The following CELF2 variants were observed in gnomAD, a reference collection of about 807,000 sequenced individuals.
CELF2 encodes the protein CUGBP Elav-like family member 2.
Under a neutral mutation model 62.6 loss-of-function variants are expected in CELF2, and 8 were observed. That is an observed-to-expected ratio of 0.13 (90% confidence interval 0.07 to 0.23). The LOEUF is 0.23. CELF2 is among the 10% of genes least tolerant of loss of function. The pLI is 1.00. For synonymous variants in CELF2, 258 were observed against 250.0 expected, an observed-to-expected ratio of 1.03 and a Z score of -0.30; for missense variants, 333 against 671.0, an observed-to-expected ratio of 0.50 and a Z score of 5.56.
At chr10:10,714,466 A>C in the CELF2 span, among the ~76,000 whole-genome samples, 1 of 152,206 alleles carries the variant, frequency 6.6e-6, no homozygotes, top group African/African-American at 2.4e-5. Context: ...GTTTAGCTTC[A>C]AGAGGAAAAG....
chr10:10,538,327 A>C, the CELF2 span, among the ~76,000 whole-genome samples: 4 of 152,204 alleles, frequency 2.6e-5, no homozygotes, highest in Non-Finnish European at 2.9e-5. Context: ...AGAGAGCCCC[A>C]GTGCTGCATT....
intron 1 of CELF2, among the ~76,000 whole-genome samples, chr10:10,879,995 A>T (rs2061349917): frequency 6.6e-6 from 1 of 152,242 alleles, no homozygotes; most frequent in African/African-American, 2.4e-5. Context: ...TTCAAGTTTA[A>T]ATCCATTTAG....
chr10:11,192,976 C>T lies in CELF2; in HGVS notation c.272-24449C>T, dbSNP rs372829425. Among the ~76,000 whole-genome samples the T allele has an allele frequency of 3.7e-4, 56 of 152,350 alleles. No individual in the cohort carries two copies. In the South Asian group the frequency reaches 0.011, roughly 29 times the overall value. On this transcript the variant is annotated intron_variant, in intron 2 of 12. Coordinates refer to ENST00000633077, the MANE Select transcript of CELF2 (RefSeq NM_001326342.2). ...GGTGTTACTCTCATTACATTCTCCACTGACTTTGGCAGTGTCTGTGAATTT... is the reference window on the plus strand; with the variant it reads ...GGTGTTACTCTCATTACATTCTCCATTGACTTTGGCAGTGTCTGTGAATTT...
chr10:11,253,400 G>A (rs2077716380), intron 4 of CELF2, among the ~76,000 whole-genome samples: 1 of 152,212 alleles, frequency 6.6e-6, no homozygotes, highest in South Asian at 2.1e-4. Context: ...TCAGCAGAGG[G>A]TGCAGACCTG....
At chr10:11,204,773 C>G (rs567585167) in intron 2 of CELF2, among the ~76,000 whole-genome samples, 3 of 152,242 alleles carry the variant, frequency 2.0e-5, no homozygotes, top group Admixed American at 6.5e-5. Context: ...AGGCTTCCGC[C>G]GGACATCTCC....
In CELF2 at chr10:11,302,046, G is replaced by A. The variant is rs2093810059; in HGVS notation, c.977-12093G>A. Among the ~76,000 whole-genome samples the A allele has an allele frequency of 6.6e-6, 1 of 152,202 alleles. No individual in the cohort carries two copies. The highest frequency in any genetic ancestry group is 1.5e-5 in the Non-Finnish European group (1 of 68,042). On this transcript the variant is annotated intron_variant, in intron 9 of 12. Transcript: ENST00000633077. The surrounding 1 kb of genome is among the most constrained non-coding windows in gnomAD (Gnocchi z 5.0). ...CACCAGTGATTCTCATAGTTTCTAGGGAAACGGACAAGCAAATCCCTGCTC... is the reference window on the plus strand; with the variant it reads ...CACCAGTGATTCTCATAGTTTCTAGAGAAACGGACAAGCAAATCCCTGCTC...
intron 1 of CELF2, among the ~76,000 whole-genome samples, chr10:11,108,153 TCTC>T (rs2054131839): frequency 7.6e-6 from 1 of 131,094 alleles, no homozygotes; most frequent in African/African-American, 3.0e-5. Flanking sequence ...TTGGCAGAAT[TCTC>T]CCCCTCAGGC....
the CELF2 span, among the ~76,000 whole-genome samples, chr10:10,720,107 G>A: frequency 4.6e-3 from 700 of 152,312 alleles, 1 homozygote; most frequent in Middle Eastern, 0.017. Flanking sequence ...GTGGGATGGT[G>A]GGAACTGAGT....
chr10:10,840,322 A>G (rs901726926), intron 1 of CELF2, among the ~76,000 whole-genome samples: 4 of 152,192 alleles, frequency 2.6e-5, no homozygotes, highest in Non-Finnish European at 5.9e-5. Context: ...TTTGCATTTC[A>G]CCAGCAATGA....
Position 11,294,263 on chromosome 10 carries a change from C to T in CELF2, c.976+5711C>T, listed in dbSNP as rs371157239. 8.5e-4 allele frequency among the ~76,000 whole-genome samples: 129 copies of T among 152,284 alleles called. 1 individual carries two copies. In the South Asian group the frequency reaches 0.026, roughly 31 times the overall value. On this transcript the variant is annotated intron_variant, in intron 9 of 12. Transcript: ENST00000633077. ...AACATAACATCATGGCAGATCATCC[C>T]CAGAAAGTGCCCATTAGCTCTGTGT... is the stretch of plus-strand genomic sequence containing the variant.
chr10:11,102,715 G>A (rs2052063375), intron 1 of CELF2, among the ~76,000 whole-genome samples: 1 of 151,952 alleles, frequency 6.6e-6, no homozygotes, highest in South Asian at 2.1e-4. Context: ...TCTCTTCCTA[G>A]GCAACCAAAT....
chr10:10,930,032 T>C (rs545829196), intron 2 of CELF2, among the ~76,000 whole-genome samples: 61 of 152,350 alleles, frequency 4.0e-4, no homozygotes, highest in African/African-American at 1.5e-3. Context: ...AAATGTGGTG[T>C]TCATTAATTC....
chr10:11,094,340 G>T (rs990063442), intron 1 of CELF2, among the ~76,000 whole-genome samples: 5 of 152,208 alleles, frequency 3.3e-5, no homozygotes, highest in Non-Finnish European at 1.5e-5. Flanking sequence ...GTCCAAATTA[G>T]CCGTGGTTAT....
At chr10:10,980,957 G>A (rs2052019056) in intron 2 of CELF2, among the ~76,000 whole-genome samples, 1 of 151,974 alleles carries the variant, frequency 6.6e-6, no homozygotes, top group South Asian at 2.1e-4. Context: ...TCATTACCTG[G>A]CATGACAGCA....
chr10:10,929,206 G>C (rs1033171221), intron 2 of CELF2, among the ~76,000 whole-genome samples: 1 of 152,136 alleles, frequency 6.6e-6, no homozygotes, highest in Non-Finnish European at 1.5e-5. Flanking sequence ...TGGAAGCTAC[G>C]AGATCAGTCT....
At chr10:10,929,539 C>G (rs2065864180) in intron 2 of CELF2, 1 of 152,174 alleles carries the variant, frequency 6.6e-6, no homozygotes, top group Non-Finnish European at 1.5e-5. Context: ...CGAAGTGATT[C>G]AGTGCATATG....
chr10:11,185,058 T>C (rs1588553245), intron 2 of CELF2, among the ~76,000 whole-genome samples: 1 of 152,260 alleles, frequency 6.6e-6, no homozygotes, highest in African/African-American at 2.4e-5. Context: ...TCTTCCTGTT[T>C]TGCTGAGAAT....
At chr10:11,320,882 T>A (rs1213225560) in intron 10 of CELF2, 1 of 1,546,512 alleles carries the variant, frequency 6.5e-7, no homozygotes, top group East Asian at 2.4e-5. Context: ...GGCTTTTACT[T>A]CCAAAAGATA....
the CELF2 span, among the ~76,000 whole-genome samples, chr10:10,784,108 C>G: frequency 6.6e-6 from 1 of 152,198 alleles, no homozygotes. Flanking sequence ...ACATTTCAAC[C>G]CATCTCACTG....
Sources: allele counts gnomAD v4.1 joint callset (sites outside exome capture counted in the v4.1 genomes callset), GRCh38; gene constraint gnomAD v4.1.1; non-coding constraint Gnocchi (gnomAD v3.1); transcripts MANE v1.5; gene names NCBI Gene and HGNC (gene_info 2026-07-23, HGNC 2026-07-21).